The following TASP1 variants were observed in gnomAD, a reference collection of about 807,000 sequenced individuals.
TASP1 encodes the protein taspase 1, also known as threonine aspartase 1.
A neutral mutation model predicts 56.6 loss-of-function variants in TASP1; 16 were observed. The observed-to-expected ratio is 0.28, with a 90% CI of 0.19 to 0.43. The LOEUF is 0.43. TASP1 is among the 20% of genes least tolerant of loss of function. The pLI is 1.00. For missense variants in TASP1, 393 were observed against 511.6 expected (o/e 0.77, Z 2.24); for synonymous variants, 179 against 184.2 (o/e 0.97, Z 0.23).
At chr20:13,324,723 G>A in the TASP1 span, among the ~76,000 whole-genome samples, 1 of 152,122 alleles carries the variant, frequency 6.6e-6, no homozygotes, top group African/African-American at 2.4e-5. Flanking sequence ...TCTTGAGGTT[G>A]GTGTCAAGCC....
chr20:13,600,396 T>C (rs1460700507), intron 4 of TASP1: 1 of 152,050 alleles, frequency 6.6e-6, no homozygotes, highest in Non-Finnish European at 1.5e-5. Context: ...GATATATAGA[T>C]GAAAGAGATG....
chr20:13,266,338 G>A, the TASP1 span, among the ~76,000 whole-genome samples: 4 of 152,162 alleles, frequency 2.6e-5, no homozygotes, highest in Admixed American at 2.0e-4. Flanking sequence ...TAAAATAATA[G>A]AAGGAGAGGA....
chr20:13,106,085 C>CA, the TASP1 span, among the ~76,000 whole-genome samples: 3 of 152,064 alleles, frequency 2.0e-5, no homozygotes, highest in Non-Finnish European at 2.9e-5. Flanking sequence ...TGGGAACGTT[C>CA]AAAAAATATC....
the TASP1 span, among the ~76,000 whole-genome samples, chr20:13,259,678 A>G: frequency 2.0e-5 from 3 of 152,228 alleles, no homozygotes; most frequent in Non-Finnish European, 4.4e-5. Context: ...GCACTGAGTT[A>G]TTGTTTCTAC....
At chr20:13,319,032 T>C in the TASP1 span, among the ~76,000 whole-genome samples, 1 of 152,184 alleles carries the variant, frequency 6.6e-6, no homozygotes, top group Non-Finnish European at 1.5e-5. Flanking sequence ...GTGATAATGA[T>C]GTGTCAATGT....
the TASP1 span, among the ~76,000 whole-genome samples, chr20:13,173,547 G>A: frequency 2.0e-3 from 305 of 152,314 alleles, 4 homozygotes; most frequent in Non-Finnish European, 3.2e-4. Flanking sequence ...CTTTGAAATG[G>A]ATGGGCTAGG....
In TASP1 at chr20:13,418,306, T is replaced by C. The variant is rs1366690536; in HGVS notation, c.1097-785A>G. On this transcript the variant is annotated intron_variant, in intron 12 of 13. Coordinates refer to ENST00000337743, the MANE Select transcript of TASP1 (RefSeq NM_017714.3). ...TGGGACAGAGAAAATATAAAATGAA[T>C]CTGGAACATCTTGTTGTACCAGAAA... Among the ~76,000 whole-genome samples the C allele has an allele frequency of 7.2e-5, 11 of 152,242 alleles. No individual in the cohort carries two copies. In the East Asian group the frequency reaches 1.5e-3, roughly 21 times the overall value.
At chr20:13,172,221 T>C in the TASP1 span, among the ~76,000 whole-genome samples, 2 of 152,048 alleles carry the variant, frequency 1.3e-5, no homozygotes, top group Non-Finnish European at 2.9e-5. Flanking sequence ...AAAAAGATTT[T>C]TATCTAAATA....
At chr20:13,105,611 G>A in the TASP1 span, among the ~76,000 whole-genome samples, 4 of 152,096 alleles carry the variant, frequency 2.6e-5, no homozygotes, top group African/African-American at 9.7e-5. Context: ...AGTGGCCTCT[G>A]AATTTACATA....
rs568498293 is a variant in TASP1, at chr20:13,523,382, G to A, written c.874+5051C>T. ...CATGGCATTTGTCAATATCTCAGCA[G>A]TAGTCTCCCATTGGCTCCTGCTGTC... is the stretch of plus-strand genomic sequence containing the variant. On this transcript the variant is annotated intron_variant, in intron 10 of 13. Coordinates refer to ENST00000337743, the MANE Select transcript of TASP1 (RefSeq NM_017714.3). 3.3e-5 allele frequency among the ~76,000 whole-genome samples: 5 copies of A among 152,234 alleles called. No homozygotes were observed. In the South Asian group the frequency reaches 1.0e-3, roughly 32 times the overall value.
chr20:13,442,287 GAC>G (rs1006081381), intron 11 of TASP1, among the ~76,000 whole-genome samples: 6 of 149,236 alleles, frequency 4.0e-5, no homozygotes, highest in African/African-American at 1.5e-4. Flanking sequence ...CACAGACACA[GAC>G]ACAGACACAC....
At chr20:13,253,305 T>C in the TASP1 span, among the ~76,000 whole-genome samples, 1 of 152,052 alleles carries the variant, frequency 6.6e-6, no homozygotes, top group Non-Finnish European at 1.5e-5. Flanking sequence ...AGCTCTGCCT[T>C]CCCTCACGGT....
At chr20:13,577,644 A>T (rs539702311) in intron 6 of TASP1, among the ~76,000 whole-genome samples, 1 of 152,102 alleles carries the variant, frequency 6.6e-6, no homozygotes, top group Admixed American at 6.5e-5. Context: ...CCCTATCTCT[A>T]GTGTAAGGAC....
chr20:13,269,916 G>T, the TASP1 span, among the ~76,000 whole-genome samples: 2 of 151,968 alleles, frequency 1.3e-5, no homozygotes, highest in South Asian at 2.1e-4. Flanking sequence ...TGATTGGATG[G>T]ATGGGTGTGT....
chr20:13,110,425 G>A, the TASP1 span, among the ~76,000 whole-genome samples: 1 of 152,172 alleles, frequency 6.6e-6, no homozygotes, highest in African/African-American at 2.4e-5. Context: ...GCAGCTTGGA[G>A]GCTGGCCGGC....
chr20:13,221,809 GCT>G, the TASP1 span: 1 of 1,457,384 alleles, frequency 6.9e-7, no homozygotes, highest in Admixed American at 2.5e-5. Context: ...TGCTGCTGCT[GCT>G]GGGGCTGCTG....
the TASP1 span, among the ~76,000 whole-genome samples, chr20:13,378,722 G>T: frequency 1.3e-5 from 2 of 152,054 alleles, no homozygotes; most frequent in Admixed American, 6.6e-5. Context: ...TCTCTTTGTA[G>T]GTCTCTAGAA....
At chr20:13,356,987 C>A in the TASP1 span, among the ~76,000 whole-genome samples, 9 of 152,318 alleles carry the variant, frequency 5.9e-5, no homozygotes, top group East Asian at 9.6e-4. Flanking sequence ...GCTCTGTTAG[C>A]CCCTTTTCCA....
chr20:13,244,371 T>C, the TASP1 span: 3 of 140,796 alleles, frequency 2.1e-5, no homozygotes, highest in Non-Finnish European at 4.5e-5. Context: ...ACCACTACTG[T>C]AGAAGATGTC....
Sources: allele counts gnomAD v4.1 joint callset (sites outside exome capture counted in the v4.1 genomes callset), GRCh38; gene constraint gnomAD v4.1.1; transcripts MANE v1.5; gene names NCBI Gene and HGNC (gene_info 2026-07-23, HGNC 2026-07-21).